The following RAB31 variants were observed in gnomAD, a reference collection of about 807,000 sequenced individuals.
RAB31 encodes ras-related protein Rab-31.
Under a neutral mutation model 25.6 loss-of-function variants are expected in RAB31, and 21 were observed. That is an observed-to-expected ratio of 0.82 (90% CI 0.58 to 1.18). The LOEUF (loss-of-function observed/expected upper bound fraction) is 1.18, where lower values mean the gene tolerates loss of function less well. Ranked by LOEUF, RAB31 falls within the 50% of genes most tolerant of loss-of-function variation. RAB31 has a pLI of 0.00. For synonymous variants in RAB31, 87 were observed against 84.0 expected, an observed-to-expected ratio of 1.04 and a Z score of -0.20; for missense variants, 196 against 250.1, an observed-to-expected ratio of 0.78 and a Z score of 1.46.
intron 6 of RAB31, 149 bp from the exon 7 acceptor site, chr18:9,859,079 G>T: frequency 1.6e-6 from 1 of 645,054 alleles, no homozygotes; most frequent in Non-Finnish European, 2.7e-6. Context: ...AGGGAGGAAG[G>T]AAAGGAAGGA....
chr18:9,812,449 A>G (rs1484013768), intron 3 of RAB31, among the ~76,000 whole-genome samples: 2 of 152,176 alleles, frequency 1.3e-5, no homozygotes, highest in Non-Finnish European at 2.9e-5. Context: ...CATGTAGAGT[A>G]TGTGTGCCTC....
intron 3 of RAB31, among the ~76,000 whole-genome samples, chr18:9,802,506 C>T (rs1599044736): frequency 6.6e-6 from 1 of 152,204 alleles, no homozygotes; most frequent in East Asian, 1.9e-4. Flanking sequence ...GAGACCCTGT[C>T]TCTACAAAAA....
At chr18:9,745,408 T>C (rs1032702212) in intron 1 of RAB31, among the ~76,000 whole-genome samples, 1 of 152,136 alleles carries the variant, frequency 6.6e-6, no homozygotes, top group Non-Finnish European at 1.5e-5. Flanking sequence ...CTCTTCCAAA[T>C]ATAGAAGAGG....
intron 3 of RAB31, among the ~76,000 whole-genome samples, chr18:9,794,789 TG>T (rs1238297624): frequency 6.6e-6 from 1 of 151,972 alleles, no homozygotes; most frequent in Non-Finnish European, 1.5e-5. Context: ...CACTCCAGCC[TG>T]GGTGACAGAG....
intron 1 of RAB31, among the ~76,000 whole-genome samples, chr18:9,742,788 T>G (rs940868817): frequency 4.6e-4 from 70 of 152,198 alleles, no homozygotes; most frequent in African/African-American, 1.6e-3. Context: ...GCTTGACCTG[T>G]GCAGAGTGCT....
At chr18:9,846,248 G>A (rs539392314) in intron 6 of RAB31, among the ~76,000 whole-genome samples, 33 of 152,212 alleles carry the variant, frequency 2.2e-4, no homozygotes, top group Middle Eastern at 3.2e-3. Context: ...GCTGGGTCCC[G>A]TTATGCTCAC....
intron 5 of RAB31, among the ~76,000 whole-genome samples, chr18:9,842,006 C>G (rs147579874): frequency 6.6e-6 from 1 of 152,184 alleles, no homozygotes; most frequent in East Asian, 1.9e-4. Flanking sequence ...AGGCCCGAAA[C>G]AAAGGCCTCC....
intron 4 of RAB31, 90 bp from the exon 5 acceptor site, chr18:9,815,026 C>T (rs1323909493): frequency 2.2e-6 from 2 of 920,716 alleles, no homozygotes; most frequent in Non-Finnish European, 3.3e-6. Flanking sequence ...ATATTTTTCT[C>T]CATTAAATTG....
Position 9,859,517 on chromosome 18 carries a change from ACC to A in RAB31, c.*194_*195del. 1 of 466,196 alleles carries A rather than the reference ACC, an allele frequency of 2.1e-6. No individual in the cohort carries two copies. 28.9% of individuals were successfully genotyped at this position (466,196 alleles called of 1,614,324 possible). On this transcript the variant is annotated 3_prime_UTR_variant, in exon 7 of 7. Coordinates refer to ENST00000578921, the MANE Select transcript of RAB31 (RefSeq NM_006868.4). Reference sequence around the variant, plus strand: ...AAGGATTTTAGAAAACCCTGGGAAAACCCACCACACCACCACAAAATGGCCTT... The same window carrying A: ...AAGGATTTTAGAAAACCCTGGGAAAACACCACACCACCACAAAATGGCCTT...
chr18:9,711,726 G>C (rs2068018383), intron 1 of RAB31, among the ~76,000 whole-genome samples: 1 of 152,190 alleles, frequency 6.6e-6, no homozygotes, highest in East Asian at 1.9e-4. Context: ...CTGAAGTCTT[G>C]CTATGACCAA....
intron 5 of RAB31, among the ~76,000 whole-genome samples, chr18:9,832,519 C>T (rs967053508): frequency 2.0e-5 from 3 of 152,314 alleles, no homozygotes; most frequent in Non-Finnish European, 2.9e-5. Flanking sequence ...ACGGAAGCAA[C>T]GCTTGCAGGC....
chr18:9,727,090 G>A (rs2068099483), intron 1 of RAB31, among the ~76,000 whole-genome samples: 1 of 152,172 alleles, frequency 6.6e-6, no homozygotes, highest in Admixed American at 6.5e-5. Flanking sequence ...AGAATGTGCT[G>A]CCATTGGGCC....
At chr18:9,749,699 G>C (rs2068224324) in intron 1 of RAB31, among the ~76,000 whole-genome samples, 1 of 152,220 alleles carries the variant, frequency 6.6e-6, no homozygotes, top group African/African-American at 2.4e-5. Flanking sequence ...TTGCAGAATT[G>C]TTCCCATGAA....
In RAB31 at chr18:9,714,284, GAAACT is replaced by G. The variant is rs553553672; in HGVS notation, c.39+5841_39+5845del. On this transcript the variant is annotated intron_variant, in intron 1 of 6. Transcript: ENST00000578921. Reference sequence around the variant, plus strand: ...AGGAGGCGGGGGATGGTTTTAGGATGAAACTGTTCCACGTCAGATCATCAGGCATT... The same window carrying G: ...AGGAGGCGGGGGATGGTTTTAGGATGGTTCCACGTCAGATCATCAGGCATT... Among the ~76,000 whole-genome samples the G allele has an allele frequency of 1.2e-4, 19 of 152,344 alleles. No individual in the cohort carries two copies. The East Asian group carries it at 3.5e-3, about 28-fold the overall frequency.
chr18:9,819,261 G>A (rs574084924), intron 5 of RAB31, among the ~76,000 whole-genome samples: 2 of 152,176 alleles, frequency 1.3e-5, no homozygotes, highest in African/African-American at 4.8e-5. Flanking sequence ...TGTAAGATAC[G>A]GGTCCAAATT....
intron 2 of RAB31, among the ~76,000 whole-genome samples, chr18:9,791,281 T>G (rs922757893): frequency 2.0e-5 from 3 of 152,148 alleles, no homozygotes; most frequent in African/African-American, 7.2e-5. Flanking sequence ...CAGCTGCTAT[T>G]TTCACTCTTA....
intron 1 of RAB31, among the ~76,000 whole-genome samples, chr18:9,719,347 T>G (rs75890376): frequency 0.061 from 6,980 of 114,028 alleles, 482 homozygotes; most frequent in East Asian, 0.27. Context: ...AAATTTGATC[T>G]AATTATGAGG....
At position 9,708,338 on chromosome 18, in the gene RAB31, C is replaced by G. The variant is rs984779497; in HGVS notation, c.-68C>G. On this transcript the variant is annotated 5_prime_UTR_variant, in exon 1 of 7. Coordinates refer to ENST00000578921, the MANE Select transcript of RAB31 (RefSeq NM_006868.4). This position sits in a 1 kb window ranked among gnomAD's most constrained non-coding sequence, Gnocchi z 6.4. ...AGCGAGGGGCAGAGGCGAGAGACGC[C>G]GGCGGGGCGCGGGCGCGGCGGCCCC... The G allele has an allele frequency of 1.2e-5, 15 of 1,301,118 alleles. No homozygotes were observed. The highest frequency in any genetic ancestry group is 2.9e-5 in the Admixed American group (1 of 35,080). 80.6% of individuals were successfully genotyped at this position (1,301,118 alleles called of 1,614,324 possible).
At chr18:9,845,461 T>G in intron 5 of RAB31, 121 bp from the exon 6 acceptor site, 1 of 855,012 alleles carries the variant, frequency 1.2e-6, no homozygotes. Flanking sequence ...GCTGAGTGAT[T>G]GAATTATTAT....
Sources: gnomAD v4.1 joint callset for allele counts (sites outside exome capture counted in the v4.1 genomes callset) on GRCh38, gnomAD v4.1.1 for gene constraint, Gnocchi (gnomAD v3.1) non-coding constraint, MANE v1.5 for transcripts, NCBI Gene and HGNC (gene_info 2026-07-23, HGNC 2026-07-21) for gene names.